GALNTL6: variants seen among roughly 807,000 people sequenced by gnomAD.
GALNTL6 encodes polypeptide N-acetylgalactosaminyltransferase-like 6.
Under a neutral mutation model 73.7 loss-of-function variants are expected in GALNTL6, and 46 were observed. That is an observed-to-expected ratio of 0.62 (90% CI 0.49 to 0.80). The LOEUF (loss-of-function observed/expected upper bound fraction) is 0.80. Ranked by LOEUF, GALNTL6 falls within the 30% of genes least tolerant of loss-of-function variation. The pLI is 0.00. For missense variants in GALNTL6, 604 were observed against 755.0 expected, an observed-to-expected ratio of 0.80 and a Z score of 2.34; for synonymous variants, 259 against 263.7, an observed-to-expected ratio of 0.98 and a Z score of 0.17.
At chr4:172,369,938 C>T (rs547253005) in intron 5 of GALNTL6, among the ~76,000 whole-genome samples, 7 of 152,322 alleles carry the variant, frequency 4.6e-5, no homozygotes, top group Admixed American at 2.0e-4. Flanking sequence ...AGCAGGCTGA[C>T]GGGCTCCTCA....
chr4:172,206,374 C>T (rs1736109882), intron 2 of GALNTL6, among the ~76,000 whole-genome samples: 2 of 152,036 alleles, frequency 1.3e-5, no homozygotes, highest in African/African-American at 4.8e-5. Context: ...CAGGTGCTCC[C>T]CAGATGCTCA....
chr4:172,300,903 G>T (rs1269520127), intron 3 of GALNTL6, among the ~76,000 whole-genome samples: 1 of 152,078 alleles, frequency 6.6e-6, no homozygotes. Flanking sequence ...TCCTGAATTT[G>T]AATGTTGGCC....
intron 5 of GALNTL6, among the ~76,000 whole-genome samples, chr4:172,483,250 A>G (rs141896522): frequency 1.1e-3 from 165 of 152,188 alleles, no homozygotes; most frequent in Middle Eastern, 3.4e-3. Context: ...AGGGGAGGGG[A>G]TAAGGGAAGC....
At chr4:172,117,091 T>C (rs903814367) in intron 2 of GALNTL6, among the ~76,000 whole-genome samples, 1 of 152,168 alleles carries the variant, frequency 6.6e-6, no homozygotes, top group African/African-American at 2.4e-5. Flanking sequence ...GACAGAATAA[T>C]AAAAATTGAG....
chr4:172,074,222 T>C (rs980846286), intron 2 of GALNTL6, among the ~76,000 whole-genome samples: 9 of 152,224 alleles, frequency 5.9e-5, no homozygotes, highest in Non-Finnish European at 1.2e-4. Flanking sequence ...TTTAGCTTCC[T>C]TAACAATGTT....
chr4:172,775,573 C>T (rs10029310), intron 5 of GALNTL6, among the ~76,000 whole-genome samples: 1 of 152,100 alleles, frequency 6.6e-6, no homozygotes, highest in African/African-American at 2.4e-5. Flanking sequence ...CCAAGGGATT[C>T]TTTTTTCCCT....
intron 5 of GALNTL6, among the ~76,000 whole-genome samples, chr4:172,793,998 C>T (rs1740133764): frequency 1.3e-5 from 2 of 152,086 alleles, no homozygotes; most frequent in Admixed American, 1.3e-4. Flanking sequence ...TAAATAATGA[C>T]TTCTATTCCT....
At chr4:172,611,472 T>A (rs556192493) in intron 5 of GALNTL6, among the ~76,000 whole-genome samples, 1 of 152,248 alleles carries the variant, frequency 6.6e-6, no homozygotes, top group Non-Finnish European at 1.5e-5. Context: ...TTCAGTTTCT[T>A]CTCTTTAAGA....
intron 2 of GALNTL6, among the ~76,000 whole-genome samples, chr4:172,129,299 T>C (rs1388783592): frequency 6.6e-6 from 1 of 152,180 alleles, no homozygotes; most frequent in Non-Finnish European, 1.5e-5. Flanking sequence ...ACATGTTAAC[T>C]GTATAGTTGG....
intron 2 of GALNTL6, among the ~76,000 whole-genome samples, chr4:171,949,558 GA>G (rs1738805863): frequency 6.6e-6 from 1 of 152,172 alleles, no homozygotes; most frequent in Admixed American, 6.5e-5. Context: ...GTGAGGGGCA[GA>G]AAGTAGATTG....
chr4:172,300,568 G>A (rs1470788669), intron 3 of GALNTL6, among the ~76,000 whole-genome samples: 1 of 152,038 alleles, frequency 6.6e-6, no homozygotes, highest in Non-Finnish European at 1.5e-5. Flanking sequence ...CAGGCCTGGT[G>A]GTGTCAAAAT....
intron 2 of GALNTL6, among the ~76,000 whole-genome samples, chr4:172,057,622 G>A (rs1012851389): frequency 2.0e-5 from 3 of 148,194 alleles, no homozygotes; most frequent in African/African-American, 5.0e-5. Context: ...CGGGAAGATC[G>A]CTTGAGCATG....
At chr4:172,954,721 G>A (rs1409420120) in intron 10 of GALNTL6, among the ~76,000 whole-genome samples, 1 of 152,092 alleles carries the variant, frequency 6.6e-6, no homozygotes, top group African/African-American at 2.4e-5. Flanking sequence ...TCTCACCTCA[G>A]CCTCCCCAAG....
At chr4:172,477,999 G>T (rs917161871) in intron 5 of GALNTL6, among the ~76,000 whole-genome samples, 1 of 152,168 alleles carries the variant, frequency 6.6e-6, no homozygotes, top group African/African-American at 2.4e-5. Flanking sequence ...CCTGGAGGTA[G>T]TGGCTGCCTG....
At chr4:172,682,195 G>T (rs1263423801) in intron 5 of GALNTL6, among the ~76,000 whole-genome samples, 1 of 152,092 alleles carries the variant, frequency 6.6e-6, no homozygotes, top group Non-Finnish European at 1.5e-5. Flanking sequence ...AGTGCATAGA[G>T]TTCTGCCTAA....
chr4:172,471,724 C>T (rs1733058496), intron 5 of GALNTL6, among the ~76,000 whole-genome samples: 2 of 152,104 alleles, frequency 1.3e-5, no homozygotes, highest in Admixed American at 6.6e-5. Context: ...TAAGAATTGA[C>T]TTGATATATA....
In GALNTL6 at chr4:172,446,584, G is replaced by GT. The variant is rs202185404; in HGVS notation, c.553+97903dup. Among the ~76,000 whole-genome samples, 637 of 151,928 alleles carry GT rather than the reference G, an allele frequency of 4.2e-3. 5 individuals carry two copies. Among genetic ancestry groups the GT allele is most frequent in the African/African-American group, 0.014 (571 of 41,462 alleles). On this transcript the variant is annotated intron_variant, in intron 5 of 12. Coordinates refer to ENST00000506823, the MANE Select transcript of GALNTL6 (RefSeq NM_001034845.3). ...ATGCTAAATCTTGCAAGAAACAAGTGTTTTTTTTCTGGCTTACTAGAAGGC... is the reference window on the plus strand; with the variant it reads ...ATGCTAAATCTTGCAAGAAACAAGTGTTTTTTTTTCTGGCTTACTAGAAGGC...
intron 5 of GALNTL6, among the ~76,000 whole-genome samples, chr4:172,676,394 T>A (rs1732303098): frequency 1.3e-5 from 2 of 152,214 alleles, no homozygotes; most frequent in African/African-American, 2.4e-5. Flanking sequence ...AAAATGGTCA[T>A]GGCAATAAAT....
intron 4 of GALNTL6, among the ~76,000 whole-genome samples, chr4:172,318,499 G>A (rs769225433): frequency 1.6e-4 from 25 of 151,988 alleles, no homozygotes; most frequent in Non-Finnish European, 3.1e-4. Flanking sequence ...TCAGGGGTTC[G>A]AGACCAGCCT....
Sources: gnomAD v4.1 joint callset for allele counts (sites outside exome capture counted in the v4.1 genomes callset) on GRCh38, gnomAD v4.1.1 for gene constraint, MANE v1.5 for transcripts, NCBI Gene and HGNC (gene_info 2026-07-23, HGNC 2026-07-21) for gene names.